Variants in ZC3HAV1 observed in about 807,000 individuals in gnomAD.
The protein encoded by ZC3HAV1 is zinc finger CCCH-type containing, antiviral 1, also known as zinc finger CCCH-type antiviral protein 1.
In ZC3HAV1, 41 loss-of-function variants were observed where a neutral mutation model predicts 86.6. That is an observed-to-expected ratio of 0.47 (90% CI 0.37 to 0.61). The LOEUF (loss-of-function observed/expected upper bound fraction) is 0.61. ZC3HAV1 is among the 20% of genes least tolerant of loss of function. The pLI is 0.00. For missense variants in ZC3HAV1, 964 were observed against 1,141.1 expected (o/e 0.84, Z 2.24); for synonymous variants, 421 against 432.1 (o/e 0.97, Z 0.32).
At position 139,080,123 on chromosome 7, in the gene ZC3HAV1, G is replaced by A. The variant is rs749153361; in HGVS notation, c.818C>T (p.Thr273Ile). Residue 273 changes from threonine to isoleucine, a missense_variant, in exon 4 of 13, where the codon ACA becomes ATA. Coordinates refer to ENST00000242351, the MANE Select transcript of ZC3HAV1 (RefSeq NM_020119.4). ...SASASAERSC[T>I]PSPDQISHRA... ...GTGGCTGATCTGATCTGGACTAGGTGTGCAGGACCTCTCAGCAGACGCTGA... is the reference window on the plus strand; with the variant it reads ...GTGGCTGATCTGATCTGGACTAGGTATGCAGGACCTCTCAGCAGACGCTGA... The A allele has an allele frequency of 7.4e-6, 12 of 1,614,196 alleles. No homozygotes were observed. The South Asian group carries it at 8.8e-5, about 12-fold the overall frequency.
intron 7 of ZC3HAV1, among the ~76,000 whole-genome samples, chr7:139,070,647 G>C (rs753523415): frequency 1.4e-5 from 2 of 138,578 alleles, no homozygotes; most frequent in Non-Finnish European, 3.0e-5. Flanking sequence ...CTGGGCGACA[G>C]AGCGAGACTC....
At chr7:139,074,988 T>A (rs1816892942) in intron 6 of ZC3HAV1, among the ~76,000 whole-genome samples, 1 of 152,206 alleles carries the variant, frequency 6.6e-6, no homozygotes, top group Non-Finnish European at 1.5e-5. Context: ...CTTAGATCAG[T>A]GGTTCTCAAT....
At chr7:139,106,333 G>T (rs1817935171) in intron 1 of ZC3HAV1, among the ~76,000 whole-genome samples, 1 of 152,194 alleles carries the variant, frequency 6.6e-6, no homozygotes, top group Admixed American at 6.5e-5. Context: ...TTATAGGCCA[G>T]GTGAGGCAGT....
intron 2 of ZC3HAV1, among the ~76,000 whole-genome samples, chr7:139,087,239 C>T (rs1448550932): frequency 6.6e-6 from 1 of 152,142 alleles, no homozygotes; most frequent in Non-Finnish European, 1.5e-5. Flanking sequence ...GGAGCTTTAA[C>T]GGGAATGATG....
In ZC3HAV1 at chr7:139,060,823, G is replaced by A. The variant is rs1403236867; in HGVS notation, c.2096+213C>T. 2.1e-6 allele frequency: 3 copies of A among 1,450,130 alleles called. No individual in the cohort carries two copies. In the African/African-American group the frequency reaches 4.3e-5, roughly 21 times the overall value. 89.8% of individuals were successfully genotyped at this position (1,450,130 alleles called of 1,614,324 possible). A position where few individuals can be genotyped will look rare whatever the true frequency, so the allele number is the denominator to read the frequency against. ...GAGACTCGCTCAGACTTCCCTTTCAGAAAGAAAATTCATTTTCCGATCTAG... is the reference window on the plus strand; with the variant it reads ...GAGACTCGCTCAGACTTCCCTTTCAAAAAGAAAATTCATTTTCCGATCTAG... On this transcript the variant is annotated intron_variant, in intron 9 of 12. Coordinates refer to ENST00000242351, the MANE Select transcript of ZC3HAV1 (RefSeq NM_020119.4).
intron 11 of ZC3HAV1, 152 bp downstream of exon 11, chr7:139,053,813 A>G (rs61180719): frequency 0.038 from 38,089 of 1,010,152 alleles, 2,179 homozygotes; most frequent in African/African-American, 0.26. Context: ...GAGAGAAGCC[A>G]GAGTTGATAG....
In ZC3HAV1 at chr7:139,079,006, C is replaced by T. The variant is rs1584857656; in HGVS notation, c.1472-353G>A. ...AACCAAAACCCTCTAACTCTCTACC[C>T]TTTAAGAACTGGGGAACATCCAAGG... On this transcript the variant is annotated intron_variant, in intron 4 of 12. Transcript: ENST00000242351. 4.1e-6 allele frequency: 6 copies of T among 1,472,832 alleles called. No individual in the cohort carries two copies. The East Asian group carries it at 7.4e-5, about 18-fold the overall frequency. The allele number at this position is 1,472,832 out of a possible 1,614,324, so 91.2% of individuals were successfully genotyped here. A position where few individuals can be genotyped will look rare whatever the true frequency, so the allele number is the denominator to read the frequency against.
chr7:139,066,053 G>A (rs1410767757), intron 7 of ZC3HAV1, among the ~76,000 whole-genome samples: 1 of 152,130 alleles, frequency 6.6e-6, no homozygotes, highest in African/African-American at 2.4e-5. Context: ...CTAGGCTACC[G>A]ATCCACTGCC....
chr7:139,053,370 T>C, intron 12 of ZC3HAV1, 81 bp downstream of exon 12: 1 of 1,442,266 alleles, frequency 6.9e-7, no homozygotes, highest in Non-Finnish European at 9.2e-7. Context: ...TACAAAATAA[T>C]TACATATACC....
intron 4 of ZC3HAV1, chr7:139,078,962 C>G (rs1345141360): frequency 8.4e-7 from 1 of 1,194,128 alleles, no homozygotes; most frequent in African/African-American, 1.5e-5. Flanking sequence ...TAGTCAATCT[C>G]CTCACCAGAC....
At chr7:139,082,536 G>A (rs1338313327) in intron 3 of ZC3HAV1, among the ~76,000 whole-genome samples, 1 of 152,044 alleles carries the variant, frequency 6.6e-6, no homozygotes, top group Non-Finnish European at 1.5e-5. Context: ...TCTCAAAGTG[G>A]TATCTGTACA....
intron 5 of ZC3HAV1, among the ~76,000 whole-genome samples, chr7:139,077,957 G>A (rs1391008367): frequency 1.3e-5 from 2 of 152,066 alleles, no homozygotes; most frequent in African/African-American, 4.8e-5. Flanking sequence ...GACAAACAGT[G>A]GCTGGGCACA....
At chr7:139,091,361 G>T (rs556252165) in intron 1 of ZC3HAV1, among the ~76,000 whole-genome samples, 1 of 152,126 alleles carries the variant, frequency 6.6e-6, no homozygotes, top group Non-Finnish European at 1.5e-5. Context: ...CCAGTTACTC[G>T]GGAGGCTGAG....
rs1173362056 is a variant in ZC3HAV1 at position 139,109,383 on chromosome 7, A to C, written c.-52T>G. The stretch of plus-strand genomic sequence containing the variant: ...GCGGCGCGGGACTCGGTTCCGCGGA[A>C]ATCGGAAATCGAAACTTACAAGTGT... On this transcript the variant is annotated 5_prime_UTR_variant, in exon 1 of 13. In the 5' UTR this introduces an upstream ATG that the reference lacks. Transcript: ENST00000242351. 8 of 1,481,558 alleles carry C rather than the reference A, an allele frequency of 5.4e-6. No homozygotes were observed. The highest frequency in any genetic ancestry group is 7.2e-6 in the Non-Finnish European group (8 of 1,118,296). The allele number at this position is 1,481,558 out of a possible 1,614,324, so 91.8% of individuals were successfully genotyped here. A position where few individuals can be genotyped will look rare whatever the true frequency, so the allele number is the denominator to read the frequency against.
intron 8 of ZC3HAV1, 84 bp from the exon 9 acceptor site, chr7:139,061,222 T>C: frequency 7.5e-7 from 1 of 1,331,146 alleles, no homozygotes; most frequent in Non-Finnish European, 1.0e-6. Flanking sequence ...AGAGGCTATT[T>C]ACACGGCAAA....
At chr7:139,107,080 GA>G (rs1817958612) in intron 1 of ZC3HAV1, among the ~76,000 whole-genome samples, 1 of 152,092 alleles carries the variant, frequency 6.6e-6, no homozygotes, top group South Asian at 2.1e-4. Context: ...TGTCATAATA[GA>G]AAAGATAAGA....
chr7:139,067,577 G>T lies in ZC3HAV1; in HGVS notation c.1873-2578C>A, dbSNP rs144450772. Among the ~76,000 whole-genome samples the T allele has an allele frequency of 2.9e-3, 444 of 152,198 alleles. 3 individuals carry two copies. Among genetic ancestry groups the T allele is most frequent in the African/African-American group, 0.01 (419 of 41,510 alleles). On this transcript the variant is annotated intron_variant, in intron 7 of 12. Coordinates refer to ENST00000242351, the MANE Select transcript of ZC3HAV1 (RefSeq NM_020119.4). ...CAGAAGGATAGGGCAGGTTGGGAGG[G>T]GAGTAGATGATGAAAAATTACTTAA...
At chr7:139,051,093 C>T (rs1338482366) in intron 12 of ZC3HAV1, among the ~76,000 whole-genome samples, 1 of 148,406 alleles carries the variant, frequency 6.7e-6, no homozygotes, top group Non-Finnish European at 1.5e-5. Flanking sequence ...TTTTTTGAGA[C>T]GGAGTCTCGG....
At chr7:139,101,489 G>T (rs1356052404) in intron 1 of ZC3HAV1, among the ~76,000 whole-genome samples, 1 of 108,142 alleles carries the variant, frequency 9.2e-6, no homozygotes, top group Non-Finnish European at 1.8e-5. Context: ...CCTCAGCCCG[G>T]CCACCACCCC....
Sources: allele counts gnomAD v4.1 joint callset (sites outside exome capture counted in the v4.1 genomes callset), GRCh38; gene constraint gnomAD v4.1.1; transcripts MANE v1.5; gene names NCBI Gene and HGNC (gene_info 2026-07-23, HGNC 2026-07-21).